GULP1: variants seen among roughly 807,000 people sequenced by gnomAD.
GULP1 encodes GULP PTB domain containing engulfment adaptor 1.
Under a neutral mutation model 40.9 loss-of-function variants are expected in GULP1, and 19 were observed. The ratio of observed to expected loss-of-function variants is 0.46; its 90% CI spans 0.32 to 0.68. GULP1 has a LOEUF of 0.68. GULP1 is among the 30% of genes least tolerant of loss of function. The probability of loss-of-function intolerance (pLI) is 0.03; values close to 1 mark genes in which losing one functional copy is unlikely to be tolerated. For missense variants in GULP1, 312 were observed against 362.2 expected, an observed-to-expected ratio of 0.86 and a Z score of 1.12; for synonymous variants, 119 against 117.6, an observed-to-expected ratio of 1.01 and a Z score of -0.08.
chr2:188,545,734 A>G (rs1348114500), intron 7 of GULP1, among the ~76,000 whole-genome samples: 1 of 151,980 alleles, frequency 6.6e-6, no homozygotes, highest in East Asian at 1.9e-4. Context: ...AACATATCAA[A>G]AATCACATTA....
chr2:188,435,572 A>T (rs569571237), intron 2 of GULP1, among the ~76,000 whole-genome samples: 1 of 152,032 alleles, frequency 6.6e-6, no homozygotes, highest in Non-Finnish European at 1.5e-5. Context: ...TTATTACTTC[A>T]CATTTTTTGT....
intron 4 of GULP1, among the ~76,000 whole-genome samples, chr2:188,514,075 G>GTGTGTGTGTGTGTGTA (rs2064916077): frequency 6.7e-6 from 1 of 149,882 alleles, no homozygotes; most frequent in Non-Finnish European, 1.5e-5. Flanking sequence ...GTGTGTGTGT[G>GTGTGTGTGTGTGTGTA]TGTGTGTGCG....
At chr2:188,575,058 C>T (rs1699898129) in intron 9 of GULP1, among the ~76,000 whole-genome samples, 1 of 152,076 alleles carries the variant, frequency 6.6e-6, no homozygotes, top group Non-Finnish European at 1.5e-5. Context: ...TTTTGAATTG[C>T]AAACTAAATA....
chr2:188,466,211 C>T (rs900623198), intron 2 of GULP1, among the ~76,000 whole-genome samples: 1 of 151,986 alleles, frequency 6.6e-6, no homozygotes, highest in Admixed American at 6.6e-5. Context: ...CATGTTTTCT[C>T]TTAATAAAAA....
chr2:188,343,460 G>A (rs937209372), intron 1 of GULP1, among the ~76,000 whole-genome samples: 4 of 152,192 alleles, frequency 2.6e-5, no homozygotes, highest in South Asian at 2.1e-4. Context: ...TAGAGTAGAC[G>A]TCCTCTTATC....
chr2:188,324,801 T>C (rs1448758729), intron 1 of GULP1, among the ~76,000 whole-genome samples: 1 of 151,880 alleles, frequency 6.6e-6, no homozygotes, highest in Non-Finnish European at 1.5e-5. Context: ...TAAATCTAAA[T>C]ATAGACACAT....
At chr2:188,482,754 C>A (rs571246088) in intron 3 of GULP1, among the ~76,000 whole-genome samples, 1 of 151,072 alleles carries the variant, frequency 6.6e-6, no homozygotes, top group East Asian at 1.9e-4. Flanking sequence ...TATATTCTAT[C>A]CTTTTATTTC....
chr2:188,344,591 A>G (rs950711369), intron 1 of GULP1, among the ~76,000 whole-genome samples: 3 of 152,216 alleles, frequency 2.0e-5, no homozygotes, highest in Non-Finnish European at 4.4e-5. Context: ...AATTCCTGGC[A>G]TTTGTATCAT....
At chr2:188,497,871 AG>A (rs1409996399) in intron 4 of GULP1, among the ~76,000 whole-genome samples, 2 of 152,096 alleles carry the variant, frequency 1.3e-5, no homozygotes, top group East Asian at 3.9e-4. Flanking sequence ...ACAGCTCTCT[AG>A]GGTCCTTTGT....
At chr2:188,492,029 A>G (rs1300680801) in intron 4 of GULP1, among the ~76,000 whole-genome samples, 1 of 152,030 alleles carries the variant, frequency 6.6e-6, no homozygotes, top group Non-Finnish European at 1.5e-5. Context: ...ATAAACGTAA[A>G]CATAGACTCC....
At chr2:188,342,630 A>G (rs1200443192) in intron 1 of GULP1, among the ~76,000 whole-genome samples, 3 of 152,358 alleles carry the variant, frequency 2.0e-5, no homozygotes, top group Admixed American at 1.3e-4. Context: ...AGAATACAAT[A>G]CAAACTTGGG....
intron 2 of GULP1, among the ~76,000 whole-genome samples, chr2:188,454,833 A>G (rs763472585): frequency 6.6e-6 from 1 of 152,210 alleles, no homozygotes. Context: ...AAACTTTAAG[A>G]AAACCTTCGG....
At chr2:188,340,235 T>C (rs1032434876) in intron 1 of GULP1, among the ~76,000 whole-genome samples, 1 of 152,210 alleles carries the variant, frequency 6.6e-6, no homozygotes, top group Non-Finnish European at 1.5e-5. Context: ...ATTTTCATAT[T>C]GCTATAAAGA....
intron 2 of GULP1, among the ~76,000 whole-genome samples, chr2:188,423,633 A>T (rs2055759317): frequency 6.6e-6 from 1 of 151,736 alleles, no homozygotes; most frequent in Admixed American, 6.6e-5. Context: ...TCTGCTAATC[A>T]GTATTTTCTA....
At chr2:188,555,309 A>G (rs924423669) in intron 7 of GULP1, among the ~76,000 whole-genome samples, 49 of 152,038 alleles carry the variant, frequency 3.2e-4, no homozygotes, top group Admixed American at 3.2e-3. Context: ...TTTCTTTACC[A>G]ATGAGTTTTA....
intron 2 of GULP1, among the ~76,000 whole-genome samples, chr2:188,452,980 T>C (rs2152925457): frequency 6.6e-6 from 1 of 152,026 alleles, no homozygotes; most frequent in African/African-American, 2.4e-5. Context: ...TAACAAAAGG[T>C]ATATTTGCCC....
At chr2:188,296,833 C>T (rs560871669) in intron 1 of GULP1, among the ~76,000 whole-genome samples, 2 of 152,078 alleles carry the variant, frequency 1.3e-5, no homozygotes, top group South Asian at 2.1e-4. Flanking sequence ...TATACATCAG[C>T]TGTATCATAT....
At chr2:188,320,850 A>G (rs1023245587) in intron 1 of GULP1, among the ~76,000 whole-genome samples, 1 of 151,842 alleles carries the variant, frequency 6.6e-6, no homozygotes, top group South Asian at 2.1e-4. Context: ...TCTATGTACT[A>G]TCTAGGATAT....
intron 7 of GULP1, among the ~76,000 whole-genome samples, chr2:188,551,630 A>G (rs1693468372): frequency 6.6e-6 from 1 of 151,852 alleles, no homozygotes; most frequent in Admixed American, 6.6e-5. Context: ...GCTGAAATAA[A>G]CATCTCAGTG....
Sources: gnomAD v4.1 joint callset for allele counts (sites outside exome capture counted in the v4.1 genomes callset) on GRCh38, gnomAD v4.1.1 for gene constraint, MANE v1.5 for transcripts, NCBI Gene and HGNC (gene_info 2026-07-23, HGNC 2026-07-21) for gene names.